The following FAF1 variants were observed in gnomAD, a reference collection of about 807,000 sequenced individuals.
FAF1 encodes Fas associated factor 1.
A neutral mutation model predicts 92.5 loss-of-function variants in FAF1; 25 were observed. That is an observed-to-expected ratio of 0.27 (90% CI 0.20 to 0.38). The LOEUF (loss-of-function observed/expected upper bound fraction) is 0.38, where lower values mean the gene tolerates loss of function less well. Ranked by LOEUF, FAF1 falls within the 10% of genes least tolerant of loss-of-function variation. The pLI is 1.00. For missense variants in FAF1, 636 were observed against 793.3 expected, an observed-to-expected ratio of 0.80 and a Z score of 2.38; for synonymous variants, 234 against 273.2, an observed-to-expected ratio of 0.86 and a Z score of 1.42.
At chr1:50,769,061 G>A (rs1377030974) in intron 4 of FAF1, among the ~76,000 whole-genome samples, 1 of 151,020 alleles carries the variant, frequency 6.6e-6, no homozygotes, top group Non-Finnish European at 1.5e-5. Flanking sequence ...AAAAACAGGA[G>A]AGAAAGAGAG....
At chr1:50,645,316 G>C (rs1654530171) in intron 8 of FAF1, among the ~76,000 whole-genome samples, 1 of 152,242 alleles carries the variant, frequency 6.6e-6, no homozygotes, top group Admixed American at 6.5e-5. Context: ...GATTCTGCAT[G>C]TGTATGCAAT....
intron 1 of FAF1, among the ~76,000 whole-genome samples, chr1:50,925,463 A>C (rs1353769265): frequency 7.3e-6 from 1 of 136,968 alleles, no homozygotes; most frequent in East Asian, 2.0e-4. Context: ...ACTTAGCACC[A>C]AAAAAAAAAA....
chr1:50,883,002 A>AC (rs1644626854), intron 1 of FAF1, among the ~76,000 whole-genome samples: 1 of 151,554 alleles, frequency 6.6e-6, no homozygotes, highest in Non-Finnish European at 1.5e-5. Flanking sequence ...AAAAAAAAAA[A>AC]CTAGGTTAAT....
At chr1:50,461,727 G>A (rs1382432090) in intron 18 of FAF1, among the ~76,000 whole-genome samples, 2 of 151,954 alleles carry the variant, frequency 1.3e-5, no homozygotes, top group Non-Finnish European at 2.9e-5. Context: ...GAAGACAAAT[G>A]TTAAACTCTA....
intron 1 of FAF1, among the ~76,000 whole-genome samples, chr1:50,959,080 T>C (rs564507931): frequency 6.6e-6 from 1 of 152,366 alleles, no homozygotes; most frequent in East Asian, 1.9e-4. Context: ...AAAGTATTCC[T>C]GGAGAAAGGA....
At chr1:50,526,969 C>T (rs531599999) in intron 15 of FAF1, among the ~76,000 whole-genome samples, 158 of 152,122 alleles carry the variant, frequency 1.0e-3, no homozygotes, top group Middle Eastern at 3.4e-3. Flanking sequence ...ATTCTCCTGC[C>T]TCAGCCTCCT....
chr1:50,443,321 C>T (rs1329210105), intron 18 of FAF1, among the ~76,000 whole-genome samples: 1 of 152,124 alleles, frequency 6.6e-6, no homozygotes, highest in East Asian at 1.9e-4. Flanking sequence ...TAAACCACAC[C>T]CAGTTTTCAT....
chr1:50,729,733 T>C (rs1557497709), intron 6 of FAF1, among the ~76,000 whole-genome samples: 1 of 151,076 alleles, frequency 6.6e-6, no homozygotes, highest in Non-Finnish European at 1.5e-5. Flanking sequence ...TTATGTAAGA[T>C]TGGGATAGGC....
chr1:50,729,958 T>C (rs1658848721), intron 6 of FAF1, among the ~76,000 whole-genome samples: 1 of 151,934 alleles, frequency 6.6e-6, no homozygotes. Flanking sequence ...GAGGCAGAGG[T>C]TGCAGTGAGC....
At chr1:50,572,431 T>A (rs2149059792) in intron 12 of FAF1, among the ~76,000 whole-genome samples, 1 of 152,326 alleles carries the variant, frequency 6.6e-6, no homozygotes, top group South Asian at 2.1e-4. Flanking sequence ...CCCCAAGTAC[T>A]CCCACATGTC....
intron 8 of FAF1, among the ~76,000 whole-genome samples, chr1:50,614,131 A>G (rs1378756877): frequency 1.3e-5 from 2 of 152,160 alleles, no homozygotes; most frequent in East Asian, 3.9e-4. Flanking sequence ...AAAAAAACCA[A>G]GAGACAAAAA....
chr1:50,492,110 G>A (rs1646844953), intron 15 of FAF1, among the ~76,000 whole-genome samples: 1 of 152,160 alleles, frequency 6.6e-6, no homozygotes, highest in African/African-American at 2.4e-5. Flanking sequence ...GGGTCACTGT[G>A]AGAATTAAGT....
At chr1:50,739,371 C>CATACAT (rs1193818996) in intron 5 of FAF1, among the ~76,000 whole-genome samples, 1 of 150,872 alleles carries the variant, frequency 6.6e-6, no homozygotes, top group African/African-American at 2.5e-5. Context: ...TGTACACGTA[C>CATACAT]ATACATATAC....
At chr1:50,752,089 C>T (rs1157922773) in intron 4 of FAF1, among the ~76,000 whole-genome samples, 1 of 152,174 alleles carries the variant, frequency 6.6e-6, no homozygotes, top group African/African-American at 2.4e-5. Flanking sequence ...CCTGCCTCAG[C>T]CTCTTGAGTA....
At chr1:50,835,635 T>C (rs143258533) in intron 2 of FAF1, among the ~76,000 whole-genome samples, 142 of 151,086 alleles carry the variant, frequency 9.4e-4, no homozygotes, top group African/African-American at 3.3e-3. Flanking sequence ...ATCTCTATTA[T>C]GAAACTGTAA....
chr1:50,917,815 G>C (rs1023359848), intron 1 of FAF1, among the ~76,000 whole-genome samples: 11 of 152,086 alleles, frequency 7.2e-5, no homozygotes, highest in African/African-American at 2.7e-4. Flanking sequence ...AAATAAAAAG[G>C]TAAGTCACAC....
At chr1:50,927,774 G>A (rs1252360529) in intron 1 of FAF1, among the ~76,000 whole-genome samples, 3 of 152,104 alleles carry the variant, frequency 2.0e-5, no homozygotes. Flanking sequence ...CAAGGTGTCA[G>A]CAGTTTGCGT....
chr1:50,872,585 G>C (rs1486677035), intron 1 of FAF1, among the ~76,000 whole-genome samples: 1 of 152,122 alleles, frequency 6.6e-6, no homozygotes, highest in Non-Finnish European at 1.5e-5. Context: ...TTTGAAAGAA[G>C]CTCTAGTTTG....
At chr1:50,864,276 G>C (rs1317376366) in intron 1 of FAF1, among the ~76,000 whole-genome samples, 1 of 149,150 alleles carries the variant, frequency 6.7e-6, no homozygotes, top group African/African-American at 2.5e-5. Context: ...TGCTTTTCTA[G>C]TTCTTTTAAT....
Sources: allele counts gnomAD v4.1 joint callset (sites outside exome capture counted in the v4.1 genomes callset), GRCh38; gene constraint gnomAD v4.1.1; transcripts MANE v1.5; gene names NCBI Gene and HGNC (gene_info 2026-07-23, HGNC 2026-07-21).